RBM26: variants seen among roughly 807,000 people sequenced by gnomAD.
RBM26 encodes the protein RNA-binding protein 26.
A neutral mutation model predicts 123.6 loss-of-function variants in RBM26; 30 were observed. That is an observed-to-expected ratio of 0.24 (90% CI 0.18 to 0.33). RBM26 has a LOEUF of 0.33. Among genes scored for constraint, RBM26 ranks in the 10% least tolerant of loss-of-function variants. The pLI, the probability that RBM26 is intolerant of heterozygous loss-of-function variation, is 1.00. For missense variants in RBM26, 947 were observed against 1,203.6 expected (o/e 0.79, Z 3.15); for synonymous variants, 400 against 404.4 (o/e 0.99, Z 0.13).
At chr13:79,313,434 G>A (rs1297577457) in exon 5 of RBM26, 1 of 151,830 alleles carries the variant, frequency 6.6e-6, no homozygotes, top group Non-Finnish European at 1.5e-5. Context: ...GTTGCAGGTA[G>A]TGGCATGTAG....
intron 12 of RBM26, 111 bp downstream of exon 12, chr13:79,355,109 A>G: frequency 2.1e-6 from 2 of 932,668 alleles, no homozygotes; most frequent in Non-Finnish European, 1.6e-6. Flanking sequence ...AGCTAAATGC[A>G]GAACCAGGGT....
chr13:79,320,845 A>G (rs2067585134), intron 21 of RBM26, 135 bp from the exon 22 acceptor site: 5 of 1,048,148 alleles, frequency 4.8e-6, no homozygotes, highest in Non-Finnish European at 6.4e-6. Flanking sequence ...GAACATTCAC[A>G]AAACAAAGAA....
chr13:79,359,745 CAT>C (rs1314999067), intron 9 of RBM26, 59 bp from the exon 10 acceptor site: 4 of 775,730 alleles, frequency 5.2e-6, no homozygotes, highest in African/African-American at 1.9e-5. Context: ...TTCTATTTAT[CAT>C]AGATACCTTC....
At chr13:79,332,896 TAAGC>T (rs1328663615) in intron 20 of RBM26, among the ~76,000 whole-genome samples, 1 of 152,160 alleles carries the variant, frequency 6.6e-6, no homozygotes, top group Non-Finnish European at 1.5e-5. Context: ...CTCAGCCATA[TAAGC>T]AAGCAAGGGA....
At chr13:79,370,481 T>G (rs760553600) in intron 5 of RBM26, among the ~76,000 whole-genome samples, 1 of 152,202 alleles carries the variant, frequency 6.6e-6, no homozygotes, top group Non-Finnish European at 1.5e-5. Context: ...TGTTTATACA[T>G]TCACCTCTTG....
At position 79,367,406 on chromosome 13, in the gene RBM26, CAAAAAA is replaced by C. The variant is rs776345304; in HGVS notation, c.896-540_896-535del. Among the ~76,000 whole-genome samples, 196 of 39,638 alleles carry C rather than the reference CAAAAAA, an allele frequency of 4.9e-3. 3 individuals are homozygous for C. Among genetic ancestry groups the C allele is most frequent in the East Asian group, 0.018 (11 of 604 alleles). The allele number at this position is 39,638 out of a possible 152,430, so 26.0% of individuals were successfully genotyped here. A position where few individuals can be genotyped will look rare whatever the true frequency, so the allele number is the denominator to read the frequency against. On this transcript the variant is annotated intron_variant, in intron 6 of 21. Transcript: ENST00000438737. ...TGGGGTATAGGGGGAGACTCCATCT[CAAAAAA>C]AAAAAAAAAAAAAAAAAAAAGAAGA... is the stretch of plus-strand genomic sequence containing the variant.
At chr13:79,349,902 T>C (rs373481646) in intron 14 of RBM26, among the ~76,000 whole-genome samples, 17 of 152,238 alleles carry the variant, frequency 1.1e-4, no homozygotes, top group East Asian at 7.7e-4. Context: ...TTCACTGTAT[T>C]GGCCAGGCTG....
At chr13:79,340,252 A>G (rs879530344) in intron 18 of RBM26, among the ~76,000 whole-genome samples, 1 of 152,064 alleles carries the variant, frequency 6.6e-6, no homozygotes, top group Admixed American at 6.5e-5. Context: ...CATTTAGGAC[A>G]ACATCCTATG....
intron 1 of RBM26, among the ~76,000 whole-genome samples, chr13:79,392,096 TGTATTATACAATAC>T (rs2078087261): frequency 1.5e-5 from 2 of 135,062 alleles, no homozygotes; most frequent in African/African-American, 5.5e-5. Context: ...TATATAATAA[TGTATTATACAATAC>T]ATAATTATAT....
intron 17 of RBM26, 108 bp downstream of exon 17, chr13:79,342,556 T>C (rs1594115697): frequency 1.2e-6 from 1 of 836,188 alleles, no homozygotes; most frequent in South Asian, 1.7e-5. Flanking sequence ...CATACAATGG[T>C]CAGATTTTGA....
At chr13:79,333,947 T>C (rs2069866788) in intron 20 of RBM26, among the ~76,000 whole-genome samples, 1 of 152,106 alleles carries the variant, frequency 6.6e-6, no homozygotes, top group Non-Finnish European at 1.5e-5. Context: ...ATGGCTAAGA[T>C]GGGCAGACAT....
At chr13:79,394,656 C>CA (rs1222859714) in intron 1 of RBM26, among the ~76,000 whole-genome samples, 1 of 152,138 alleles carries the variant, frequency 6.6e-6, no homozygotes, top group East Asian at 1.9e-4. Flanking sequence ...TTATTTTTGA[C>CA]AGAGTCTCGC....
intron 15 of RBM26, 21 bp downstream of exon 15, chr13:79,344,648 T>C (rs755117993): frequency 7.4e-5 from 118 of 1,596,624 alleles, no homozygotes; most frequent in Admixed American, 2.0e-4. Flanking sequence ...AAATTTTTTA[T>C]ACTATACCAG....
chr13:79,368,293 T>C (rs1374033694), intron 6 of RBM26, among the ~76,000 whole-genome samples: 1 of 152,218 alleles, frequency 6.6e-6, no homozygotes, highest in Non-Finnish European at 1.5e-5. Context: ...CCTAAAGTGC[T>C]GGGATTACAG....
Position 79,405,820 on chromosome 13 carries a change from C to T in RBM26, c.-46G>A. 2 of 1,310,238 alleles carry T rather than the reference C, an allele frequency of 1.5e-6. No individual in the cohort carries two copies. The highest frequency in any genetic ancestry group is 4.3e-5 in the Admixed American group (2 of 46,660). The allele number at this position is 1,310,238 out of a possible 1,614,324, so 81.2% of individuals were successfully genotyped here. A position where few individuals can be genotyped will look rare whatever the true frequency, so the allele number is the denominator to read the frequency against. On this transcript the variant is annotated 5_prime_UTR_variant, in exon 1 of 22. Coordinates refer to ENST00000438737, the MANE Select transcript of RBM26 (RefSeq NM_001366735.2). ...GTCACACTCCTCCGCCCGCCCAGGT[C>T]GCGGCCGCTACAGCCGCCGCTGCCC... is the stretch of plus-strand genomic sequence containing the variant.
At chr13:79,375,071 TTA>T (rs1223290352) in intron 3 of RBM26, among the ~76,000 whole-genome samples, 20 of 30,106 alleles carry the variant, frequency 6.6e-4, no homozygotes, top group East Asian at 3.4e-3. Context: ...TTTTATATAT[TTA>T]TATGATATAT....
intron 1 of RBM26, among the ~76,000 whole-genome samples, chr13:79,380,156 A>C (rs1053147755): frequency 3.9e-5 from 6 of 152,194 alleles, no homozygotes; most frequent in Non-Finnish European, 7.4e-5. Flanking sequence ...CAAGTTATTC[A>C]TTGTCATATT....
intron 1 of RBM26, among the ~76,000 whole-genome samples, chr13:79,384,574 A>C (rs1436103310): frequency 6.6e-6 from 1 of 152,150 alleles, no homozygotes; most frequent in East Asian, 1.9e-4. Context: ...TTTGTTTTTA[A>C]AAACAGTTCA....
intron 1 of RBM26, among the ~76,000 whole-genome samples, chr13:79,400,237 A>G (rs1456585421): frequency 6.6e-6 from 1 of 152,226 alleles, no homozygotes; most frequent in Admixed American, 6.5e-5. Flanking sequence ...TGCTGCTATA[A>G]CAGAATACCA....
Sources: gnomAD v4.1 joint callset for allele counts (sites outside exome capture counted in the v4.1 genomes callset) on GRCh38, gnomAD v4.1.1 for gene constraint, MANE v1.5 for transcripts, NCBI Gene and HGNC (gene_info 2026-07-23, HGNC 2026-07-21) for gene names.